Variants in ZBTB20 observed in about 807,000 individuals in gnomAD.
The protein encoded by ZBTB20 is zinc finger and BTB domain containing 20.
In ZBTB20, 9 loss-of-function variants were observed where a neutral mutation model predicts 56.9. The observed-to-expected ratio is 0.16, with a 90% CI of 0.10 to 0.28. ZBTB20 has a LOEUF of 0.28. Ranked by LOEUF, ZBTB20 falls within the 10% of genes least tolerant of loss-of-function variation. ZBTB20 has a pLI of 1.00. For synonymous variants in ZBTB20, 417 were observed against 420.7 expected, an observed-to-expected ratio of 0.99 and a Z score of 0.11; for missense variants, 655 against 1,003.0, an observed-to-expected ratio of 0.65 and a Z score of 4.69.
chr3:115,023,292 A>G (rs375650937), intron 2 of ZBTB20, among the ~76,000 whole-genome samples: 1 of 151,030 alleles, frequency 6.6e-6, no homozygotes, highest in Admixed American at 6.6e-5. Context: ...TAGCTTACAC[A>G]GTAAAACTGT....
chr3:114,638,634 T>C (rs900953806), intron 6 of ZBTB20, among the ~76,000 whole-genome samples: 3 of 152,060 alleles, frequency 2.0e-5, no homozygotes, highest in Non-Finnish European at 4.4e-5. Context: ...TAGACTTTTA[T>C]ATGTAATGAA....
At chr3:114,687,814 C>T (rs1185638531) in intron 6 of ZBTB20, 1 of 152,058 alleles carries the variant, frequency 6.6e-6, no homozygotes, top group African/African-American at 2.4e-5. Context: ...GATAAGTCAT[C>T]CAAGAAATAA....
intron 4 of ZBTB20, among the ~76,000 whole-genome samples, chr3:114,833,876 T>TTAAAAATAAGGCAAGGAAAGG (rs2073985117): frequency 1.3e-5 from 2 of 151,942 alleles, no homozygotes; most frequent in Non-Finnish European, 2.9e-5. Flanking sequence ...TTGCAAAATT[T>TTAAAAATAAGGCAAGGAAAGG]TAAAAATAAG....
At chr3:114,546,264 C>G (rs1403830573) in intron 6 of ZBTB20, among the ~76,000 whole-genome samples, 1 of 152,176 alleles carries the variant, frequency 6.6e-6, no homozygotes, top group Admixed American at 6.5e-5. Flanking sequence ...GCATGCTTAT[C>G]AAATGTGCTC....
chr3:115,099,348 T>C (rs978195625), intron 1 of ZBTB20, among the ~76,000 whole-genome samples: 25 of 152,082 alleles, frequency 1.6e-4, no homozygotes, highest in East Asian at 1.9e-4. Flanking sequence ...CAAGCATAAA[T>C]AAACAGTAAC....
chr3:114,872,353 A>T (rs1452625454), intron 4 of ZBTB20, among the ~76,000 whole-genome samples: 1 of 152,174 alleles, frequency 6.6e-6, no homozygotes, highest in Non-Finnish European at 1.5e-5. Context: ...ACATATTTCT[A>T]TTTAATTGAC....
chr3:114,762,130 C>T (rs1035358047), intron 5 of ZBTB20, among the ~76,000 whole-genome samples: 9 of 152,108 alleles, frequency 5.9e-5, no homozygotes, highest in African/African-American at 2.2e-4. Flanking sequence ...GAAAGCAGAG[C>T]TGACAGACAA....
At chr3:114,450,303 A>G (rs1187932998) in intron 7 of ZBTB20, among the ~76,000 whole-genome samples, 1 of 152,248 alleles carries the variant, frequency 6.6e-6, no homozygotes, top group Admixed American at 6.5e-5. Flanking sequence ...TGTTTCAAAA[A>G]CAAATTTCCT....
At chr3:114,474,711 C>CA (rs2040544329) in intron 7 of ZBTB20, among the ~76,000 whole-genome samples, 1 of 152,140 alleles carries the variant, frequency 6.6e-6, no homozygotes, top group Non-Finnish European at 1.5e-5. Context: ...TACTAAGGTT[C>CA]AAAATCATAG....
chr3:114,742,934 T>C (rs919720243), intron 5 of ZBTB20, among the ~76,000 whole-genome samples: 3 of 152,162 alleles, frequency 2.0e-5, no homozygotes. Context: ...TCTGTGCCAA[T>C]ATGTGAGGTA....
intron 3 of ZBTB20, among the ~76,000 whole-genome samples, chr3:114,921,875 T>C (rs188401002): frequency 9.9e-4 from 150 of 151,820 alleles, no homozygotes; most frequent in Admixed American, 2.0e-3. Context: ...AATATACACA[T>C]ATATATATAT....
At chr3:114,875,590 C>T (rs1367031945) in intron 4 of ZBTB20, among the ~76,000 whole-genome samples, 7 of 151,950 alleles carry the variant, frequency 4.6e-5, no homozygotes, top group South Asian at 2.1e-4. Flanking sequence ...ATATATGATG[C>T]GTATAGAAGC....
At chr3:114,968,292 C>T (rs1307053339) in intron 3 of ZBTB20, among the ~76,000 whole-genome samples, 1 of 151,986 alleles carries the variant, frequency 6.6e-6, no homozygotes, top group South Asian at 2.1e-4. Context: ...AAACTGTGAA[C>T]CAAAAAGGTC....
At chr3:114,640,424 T>C (rs562415816) in intron 6 of ZBTB20, among the ~76,000 whole-genome samples, 131 of 152,170 alleles carry the variant, frequency 8.6e-4, no homozygotes, top group African/African-American at 3.0e-3. Context: ...AGAACCAAAT[T>C]CAAGGGAACT....
intron 3 of ZBTB20, among the ~76,000 whole-genome samples, chr3:114,901,002 C>T (rs1167861909): frequency 6.6e-6 from 1 of 152,122 alleles, no homozygotes; most frequent in Non-Finnish European, 1.5e-5. Context: ...TATGTAAGTC[C>T]ACATTAAACA....
At chr3:114,804,104 G>C (rs2071919614) in intron 4 of ZBTB20, among the ~76,000 whole-genome samples, 1 of 151,914 alleles carries the variant, frequency 6.6e-6, no homozygotes, top group Non-Finnish European at 1.5e-5. Context: ...TTTAGCAAAA[G>C]AGTTGTACAT....
At chr3:114,496,908 C>T (rs1207167953) in intron 7 of ZBTB20, among the ~76,000 whole-genome samples, 1 of 152,180 alleles carries the variant, frequency 6.6e-6, no homozygotes, top group African/African-American at 2.4e-5. Flanking sequence ...CCTTATCTGC[C>T]TGCTCCTCCC....
chr3:114,915,669 T>C (rs2075715529), intron 3 of ZBTB20, among the ~76,000 whole-genome samples: 1 of 151,948 alleles, frequency 6.6e-6, no homozygotes, highest in South Asian at 2.1e-4. Flanking sequence ...CTAAGATGCA[T>C]TGTTGGTTTT....
intron 5 of ZBTB20, among the ~76,000 whole-genome samples, chr3:114,799,610 G>A (rs2071572362): frequency 6.6e-6 from 1 of 151,938 alleles, no homozygotes; most frequent in Non-Finnish European, 1.5e-5. Flanking sequence ...ATTGTGCCAA[G>A]GGTTAGAAAT....
Sources: allele counts gnomAD v4.1 joint callset (sites outside exome capture counted in the v4.1 genomes callset), GRCh38; gene constraint gnomAD v4.1.1; transcripts MANE v1.5; gene names NCBI Gene and HGNC (gene_info 2026-07-23, HGNC 2026-07-21).